Variants in APPBP2 observed in about 807,000 individuals in gnomAD.
The protein encoded by APPBP2 is amyloid protein-binding protein 2.
A neutral mutation model predicts 76.0 loss-of-function variants in APPBP2; 15 were observed. That is an observed-to-expected ratio of 0.20 (90% CI 0.13 to 0.30). APPBP2 has a LOEUF of 0.30. APPBP2 is among the 10% of genes least tolerant of loss of function. APPBP2 has a pLI of 1.00. For synonymous variants in APPBP2, 222 were observed against 242.2 expected, an observed-to-expected ratio of 0.92 and a Z score of 0.77; for missense variants, 401 against 687.2, an observed-to-expected ratio of 0.58 and a Z score of 4.66.
intron 1 of APPBP2, chr17:60,513,117 C>A: frequency 3.8e-6 from 1 of 265,950 alleles, no homozygotes; most frequent in South Asian, 5.6e-5. Flanking sequence ...CGCCTGAAAC[C>A]CAGCGAGCTC....
chr17:60,488,948 C>T (rs371119040), intron 3 of APPBP2, among the ~76,000 whole-genome samples: 93 of 152,284 alleles, frequency 6.1e-4, no homozygotes, highest in South Asian at 1.0e-3. Flanking sequence ...GCTGGCCAGG[C>T]ACGGTGGCTC....
chr17:60,449,654 T>C lies in APPBP2; in HGVS notation c.1505-1820A>G, dbSNP rs193062778. On this transcript the variant is annotated intron_variant, in intron 12 of 12. Transcript: ENST00000083182. ...AAGAAATGGTCTTGGCTTAACTCTGTGTCCATATGGGGAAAAAAATTGATC... is the reference window on the plus strand; with the variant it reads ...AAGAAATGGTCTTGGCTTAACTCTGCGTCCATATGGGGAAAAAAATTGATC... Among the ~76,000 whole-genome samples, 5 of 151,854 alleles carry C rather than the reference T, an allele frequency of 3.3e-5. No individual in the cohort carries two copies. In the East Asian group the frequency reaches 7.7e-4, roughly 23 times the overall value.
chr17:60,522,755 T>G (rs1019441033), intron 1 of APPBP2, among the ~76,000 whole-genome samples: 8 of 152,198 alleles, frequency 5.3e-5, no homozygotes, highest in African/African-American at 1.9e-4. Context: ...ATGTTCCTGC[T>G]CAGGGACTTT....
At chr17:60,520,662 G>A (rs1200331134) in intron 1 of APPBP2, among the ~76,000 whole-genome samples, 1 of 151,360 alleles carries the variant, frequency 6.6e-6, no homozygotes. Context: ...TAACTCTACG[G>A]CACACTTTGT....
chr17:60,522,071 C>T (rs1015480179), intron 1 of APPBP2, among the ~76,000 whole-genome samples: 7 of 152,198 alleles, frequency 4.6e-5, no homozygotes, highest in African/African-American at 1.4e-4. Context: ...AGCATGAAAT[C>T]GCCTAACAAT....
chr17:60,457,721 C>T (rs534264030), intron 9 of APPBP2, among the ~76,000 whole-genome samples: 1 of 152,228 alleles, frequency 6.6e-6, no homozygotes, highest in African/African-American at 2.4e-5. Flanking sequence ...TGGGCCACCA[C>T]GCCTGGCCCA....
chr17:60,502,457 T>A (rs2090830272), intron 1 of APPBP2, among the ~76,000 whole-genome samples: 1 of 152,150 alleles, frequency 6.6e-6, no homozygotes, highest in South Asian at 2.1e-4. Flanking sequence ...CCAAAATAAA[T>A]ACAAACATAC....
At chr17:60,478,233 T>TA (rs1196178634) in intron 4 of APPBP2, among the ~76,000 whole-genome samples, 1 of 152,018 alleles carries the variant, frequency 6.6e-6, no homozygotes, top group African/African-American at 2.4e-5. Flanking sequence ...TAGTTTTATA[T>TA]AAAAAAATAC....
intron 11 of APPBP2, among the ~76,000 whole-genome samples, chr17:60,452,625 A>G (rs561325552): frequency 4.7e-4 from 72 of 152,318 alleles, no homozygotes; most frequent in African/African-American, 1.7e-3. Context: ...AATTAATAAT[A>G]TTAAGAATTT....
chr17:60,458,689 G>A (rs1269405355), intron 9 of APPBP2, among the ~76,000 whole-genome samples: 3 of 151,930 alleles, frequency 2.0e-5, no homozygotes, highest in Non-Finnish European at 2.9e-5. Context: ...TTTACTTATA[G>A]GCCTAGTTCG....
chr17:60,459,278 G>C (rs2090456962), intron 9 of APPBP2, among the ~76,000 whole-genome samples: 1 of 152,138 alleles, frequency 6.6e-6, no homozygotes, highest in Non-Finnish European at 1.5e-5. Context: ...CATCCCAGGA[G>C]AACCAGCACC....
intron 1 of APPBP2, among the ~76,000 whole-genome samples, chr17:60,518,106 G>A (rs1004271527): frequency 7.2e-6 from 1 of 139,714 alleles, no homozygotes; most frequent in Non-Finnish European, 1.5e-5. Context: ...CATCCTGTCT[G>A]CAGTGCAGTA....
At chr17:60,477,280 G>C (rs2090597583) in intron 4 of APPBP2, among the ~76,000 whole-genome samples, 1 of 152,066 alleles carries the variant, frequency 6.6e-6, no homozygotes, top group Admixed American at 6.6e-5. Context: ...CTTAAAATCA[G>C]AAGAAACACA....
At chr17:60,454,252 T>C (rs2090416898) in intron 11 of APPBP2, 50 bp downstream of exon 11, 1 of 1,299,244 alleles carries the variant, frequency 7.7e-7, no homozygotes, top group South Asian at 1.6e-5. Context: ...TTATTTCAGG[T>C]TCTATTTCAT....
rs1435872608 is a variant in APPBP2, at chr17:60,451,878, A to G, written c.1504+2T>C. The G allele has an allele frequency of 6.2e-7, 1 of 1,601,196 alleles. No homozygotes were observed. The highest frequency in any genetic ancestry group is 8.5e-7 in the Non-Finnish European group (1 of 1,174,748). On this transcript the variant is annotated splice_donor_variant, in intron 12 of 12. Coordinates refer to ENST00000083182, the MANE Select transcript of APPBP2 (RefSeq NM_006380.5). LOFTEE classifies it high-confidence loss of function. ...ACTAAAGAAAATTTAAATGTAACAT[A>G]CCAATTGCTATAGATCGCAAATAAA...
At chr17:60,475,442 T>C (rs78313572) in intron 4 of APPBP2, among the ~76,000 whole-genome samples, 1 of 151,962 alleles carries the variant, frequency 6.6e-6, no homozygotes, top group South Asian at 2.1e-4. Context: ...CTCGATTATT[T>C]CCCTCAGATA....
At chr17:60,478,081 C>A (rs2143376590) in intron 4 of APPBP2, among the ~76,000 whole-genome samples, 1 of 151,946 alleles carries the variant, frequency 6.6e-6, no homozygotes, top group South Asian at 2.1e-4. Flanking sequence ...TCAATTAACT[C>A]ATCTAAAAAA....
Position 60,525,788 on chromosome 17 carries a change from G to T in APPBP2, c.138+6C>A, listed in dbSNP as rs767371291. The T allele has an allele frequency of 2.4e-5, 38 of 1,613,584 alleles. No individual in the cohort carries two copies. In the South Asian group the frequency reaches 3.3e-4, roughly 14 times the overall value. ...GGAGAGCAGAGAGGAGGCCCACGGC[G>T]CATACCTTGTAGTAAACATCAAACT... On this transcript the variant is annotated splice_donor_region_variant and intron_variant, in intron 1 of 12. Transcript: ENST00000083182.
chr17:60,465,433 A>G (rs1311556840), intron 5 of APPBP2, among the ~76,000 whole-genome samples: 2 of 152,246 alleles, frequency 1.3e-5, no homozygotes, highest in South Asian at 2.1e-4. Flanking sequence ...TTTTCTGTAG[A>G]TATCAGTGAA....
Sources: gnomAD v4.1 joint callset for allele counts (sites outside exome capture counted in the v4.1 genomes callset) on GRCh38, gnomAD v4.1.1 for gene constraint, MANE v1.5 for transcripts, NCBI Gene and HGNC (gene_info 2026-07-23, HGNC 2026-07-21) for gene names.